PDE1A: variants seen among roughly 807,000 people sequenced by gnomAD.
The protein encoded by PDE1A is phosphodiesterase 1A, also known as dual specificity calcium/calmodulin-dependent 3',5'-cyclic nucleotide phosphodiesterase 1A.
Under a neutral mutation model 61.7 loss-of-function variants are expected in PDE1A, and 35 were observed. The ratio of observed to expected loss-of-function variants is 0.57; its 90% confidence interval spans 0.43 to 0.75. The LOEUF is 0.75. Among genes scored for constraint, PDE1A ranks in the 30% least tolerant of loss-of-function variants. PDE1A has a pLI of 0.00. For missense variants in PDE1A, 597 were observed against 630.6 expected, an observed-to-expected ratio of 0.95 and a Z score of 0.57; for synonymous variants, 232 against 213.2, an observed-to-expected ratio of 1.09 and a Z score of -0.77.
At chr2:182,558,055 T>C in the PDE1A span, among the ~76,000 whole-genome samples, 3 of 152,182 alleles carry the variant, frequency 2.0e-5, no homozygotes, top group South Asian at 2.1e-4. Context: ...TCTCCTAACA[T>C]AGCTCTTCAT....
At chr2:182,494,298 C>CAAA (rs36076255) in intron 2 of PDE1A, among the ~76,000 whole-genome samples, 3 of 146,972 alleles carry the variant, frequency 2.0e-5, no homozygotes, top group Admixed American at 1.4e-4. Context: ...TTGGATTCTA[C>CAAA]AAAAAAAAAA....
chr2:182,340,543 A>G (rs768449992), intron 1 of PDE1A, among the ~76,000 whole-genome samples: 3 of 152,198 alleles, frequency 2.0e-5, no homozygotes, highest in African/African-American at 4.8e-5. Context: ...CAGAATACAA[A>G]AGAGAAGCTA....
At chr2:182,704,223 A>AAC in the PDE1A span, among the ~76,000 whole-genome samples, 4 of 150,586 alleles carry the variant, frequency 2.7e-5, no homozygotes, top group East Asian at 5.8e-4. Flanking sequence ...AAAAAAAAAA[A>AAC]AACAAAAAAA....
the PDE1A span, among the ~76,000 whole-genome samples, chr2:182,646,274 C>T: frequency 6.6e-6 from 1 of 151,248 alleles, no homozygotes; most frequent in African/African-American, 2.4e-5. Flanking sequence ...GTGGTGAAAC[C>T]CTGTCTTTAC....
chr2:182,260,880 C>T (rs956863261), intron 2 of PDE1A, among the ~76,000 whole-genome samples: 3 of 151,510 alleles, frequency 2.0e-5, no homozygotes, highest in Non-Finnish European at 4.4e-5. Flanking sequence ...ATAGCCCAAG[C>T]CCTAGGGTCA....
the PDE1A span, among the ~76,000 whole-genome samples, chr2:182,636,958 G>T: frequency 8.5e-5 from 13 of 152,192 alleles, no homozygotes; most frequent in African/African-American, 3.1e-4. Context: ...AGCAATGGCG[G>T]GTTGAATACC....
intron 9 of PDE1A, 58 bp downstream of exon 9, chr2:182,201,630 C>A: frequency 1.4e-6 from 2 of 1,389,666 alleles, no homozygotes; most frequent in Non-Finnish European, 2.0e-6. Context: ...TGAGGCCAAG[C>A]CCCTGGAACT....
intron 1 of PDE1A, among the ~76,000 whole-genome samples, chr2:182,403,066 G>A (rs560710844): frequency 2.6e-5 from 4 of 151,934 alleles, no homozygotes; most frequent in Non-Finnish European, 5.9e-5. Context: ...TGCTTTTACA[G>A]TGTTGATGGG....
the PDE1A span, among the ~76,000 whole-genome samples, chr2:182,528,549 C>A: frequency 6.6e-6 from 1 of 152,218 alleles, no homozygotes; most frequent in South Asian, 2.1e-4. Flanking sequence ...TGAGAAGAAA[C>A]TCAAGCCGGC....
At chr2:182,463,629 C>A (rs370394307) in intron 2 of PDE1A, 1 of 152,128 alleles carries the variant, frequency 6.6e-6, no homozygotes, top group Admixed American at 6.5e-5. Flanking sequence ...AGAGCAGGAA[C>A]AATTCAAGAT....
the PDE1A span, among the ~76,000 whole-genome samples, chr2:182,621,117 C>T: frequency 6.6e-6 from 1 of 152,302 alleles, no homozygotes; most frequent in African/African-American, 2.4e-5. Context: ...CATCTCCTCT[C>T]TGACACTCCG....
rs570838091 is a variant in PDE1A at position 182,220,387 on chromosome 2, G to T, written c.776+3477C>A. ...AATCTAGCCATAGCAGATTTGTCAGGGTTATTACATGATATGGCTCCAAGC... is the reference window on the plus strand; with the variant it reads ...AATCTAGCCATAGCAGATTTGTCAGTGTTATTACATGATATGGCTCCAAGC... On this transcript the variant is annotated intron_variant, in intron 7 of 13. Coordinates refer to ENST00000351439, the Ensembl canonical transcript of PDE1A. 3.9e-5 allele frequency among the ~76,000 whole-genome samples: 6 copies of T among 152,072 alleles called. No individual in the cohort carries two copies. The South Asian group carries it at 6.2e-4, about 16-fold the overall frequency.
chr2:182,689,119 C>A, the PDE1A span, among the ~76,000 whole-genome samples: 1 of 152,052 alleles, frequency 6.6e-6, no homozygotes, highest in Admixed American at 6.6e-5. Flanking sequence ...GAGAGATCAG[C>A]GAGACAGAAA....
chr2:182,345,239 G>A (rs1698449331), intron 1 of PDE1A, among the ~76,000 whole-genome samples: 2 of 152,108 alleles, frequency 1.3e-5, no homozygotes, highest in South Asian at 4.1e-4. Flanking sequence ...ACCTCCCAGG[G>A]TTTCACCCTC....
the PDE1A span, among the ~76,000 whole-genome samples, chr2:182,608,827 G>A: frequency 6.6e-6 from 1 of 152,252 alleles, no homozygotes; most frequent in African/African-American, 2.4e-5. Flanking sequence ...GCGCTCTGGT[G>A]CGGGATCCAC....
the PDE1A span, among the ~76,000 whole-genome samples, chr2:182,544,789 T>A: frequency 1.3e-5 from 2 of 152,216 alleles, no homozygotes; most frequent in Non-Finnish European, 2.9e-5. Flanking sequence ...GCTTCTCTGA[T>A]GCTTCCACTT....
intron 2 of PDE1A, among the ~76,000 whole-genome samples, chr2:182,491,686 T>C (rs192969495): frequency 1.3e-5 from 2 of 152,340 alleles, no homozygotes; most frequent in East Asian, 3.9e-4. Context: ...CACCTGATCT[T>C]GTCTGCTGTG....
chr2:182,522,642 G>C (rs1160423802), intron 1 of PDE1A: 3 of 1,224,766 alleles, frequency 2.4e-6, no homozygotes, highest in Admixed American at 3.5e-5. Context: ...CCGTACATGT[G>C]AGCCTGCTAC....
At chr2:182,550,551 A>T in the PDE1A span, among the ~76,000 whole-genome samples, 13 of 152,204 alleles carry the variant, frequency 8.5e-5, no homozygotes, top group Non-Finnish European at 1.9e-4. Context: ...CGTTCTACTG[A>T]AGAAAAAAAG....
Sources: allele counts gnomAD v4.1 joint callset (sites outside exome capture counted in the v4.1 genomes callset), GRCh38; gene constraint gnomAD v4.1.1; transcripts MANE v1.5; gene names NCBI Gene and HGNC (gene_info 2026-07-23, HGNC 2026-07-21).